Variants in CSMD1 observed in about 807,000 individuals in gnomAD.
CSMD1 encodes CUB and Sushi multiple domains 1.
CSMD1 carries 213 observed loss-of-function variants against 417.5 expected under a neutral mutation model. That is an observed-to-expected ratio of 0.51 (90% CI 0.46 to 0.57). The LOEUF is 0.57. Ranked by LOEUF, CSMD1 falls within the 20% of genes least tolerant of loss-of-function variation. CSMD1 has a pLI of 0.00. For missense variants in CSMD1, 6,923 were observed against 4,529.7 expected (o/e 1.53, Z -15.17); for synonymous variants, 2,862 against 1,736.8 (o/e 1.65, Z -16.11).
chr8:3,536,818 C>T (rs1798220306), intron 10 of CSMD1, among the ~76,000 whole-genome samples: 1 of 152,146 alleles, frequency 6.6e-6, no homozygotes, highest in Admixed American at 6.5e-5. Flanking sequence ...AGGTTTGTGC[C>T]ATCCTTGGGT....
At position 4,788,419 on chromosome 8, in the gene CSMD1, G is replaced by A. The variant is rs1797523017; in HGVS notation, c.86-150861C>T. Reference sequence around the variant, plus strand: ...GTGTGGTCTTCTCTTTGACTACCCAGGGTCTTGGCTGTTCAACCACACTTT... The same window carrying A: ...GTGTGGTCTTCTCTTTGACTACCCAAGGTCTTGGCTGTTCAACCACACTTT... On this transcript the variant is annotated intron_variant, in intron 1 of 69. Transcript: ENST00000635120. 7 of 1,340,594 alleles carry A rather than the reference G, an allele frequency of 5.2e-6. No homozygotes were observed. In the East Asian group the frequency reaches 6.9e-5, roughly 13 times the overall value. 83.0% of individuals were successfully genotyped at this position (1,340,594 alleles called of 1,614,324 possible).
At chr8:3,937,708 C>T (rs1248920474) in intron 5 of CSMD1, among the ~76,000 whole-genome samples, 2 of 152,078 alleles carry the variant, frequency 1.3e-5, no homozygotes, top group Admixed American at 1.3e-4. Context: ...TCTTATCAGA[C>T]ATTATAGTTT....
intron 5 of CSMD1, among the ~76,000 whole-genome samples, chr8:3,936,469 G>A (rs4320569): frequency 0.34 from 51,817 of 152,022 alleles, 9,180 homozygotes; most frequent in African/African-American, 0.45. Flanking sequence ...ATTTTAAGTT[G>A]AAGCCAGTGC....
intron 5 of CSMD1, among the ~76,000 whole-genome samples, chr8:3,970,494 C>G (rs777729340): frequency 2.5e-4 from 38 of 152,124 alleles, no homozygotes; most frequent in Non-Finnish European, 5.0e-4. Context: ...TGAGAATGTT[C>G]ACATTCTTGG....
chr8:4,702,646 A>ATCTGTGCTAATGATGGATTATT (rs1807651540), intron 1 of CSMD1, among the ~76,000 whole-genome samples: 1 of 151,192 alleles, frequency 6.6e-6, no homozygotes, highest in Admixed American at 6.6e-5. Context: ...AATCACAAAT[A>ATCTGTGCTAATGATGGATTATT]AACGTTTCCA....
chr8:4,687,107 T>C (rs1314416676), intron 1 of CSMD1, among the ~76,000 whole-genome samples: 4 of 152,158 alleles, frequency 2.6e-5, no homozygotes, highest in African/African-American at 7.2e-5. Flanking sequence ...CTGTGGTCGA[T>C]AAAAGCTGCC....
chr8:3,518,597 A>G (rs187374182), intron 10 of CSMD1, among the ~76,000 whole-genome samples: 1 of 152,358 alleles, frequency 6.6e-6, no homozygotes, highest in African/African-American at 2.4e-5. Flanking sequence ...CAGCTTTTCA[A>G]AATAACTCAG....
chr8:3,692,836 G>C (rs187210925), intron 7 of CSMD1, among the ~76,000 whole-genome samples: 10 of 152,070 alleles, frequency 6.6e-5, no homozygotes, highest in African/African-American at 2.4e-4. Flanking sequence ...ATATTATTAG[G>C]CATTAGTAAT....
At chr8:4,728,852 G>C (rs542982318) in intron 1 of CSMD1, among the ~76,000 whole-genome samples, 1 of 152,110 alleles carries the variant, frequency 6.6e-6, no homozygotes, top group Non-Finnish European at 1.5e-5. Context: ...CATCTACTGA[G>C]ATTAATAAAA....
chr8:3,646,649 C>G (rs143460104), intron 7 of CSMD1, among the ~76,000 whole-genome samples: 7 of 152,172 alleles, frequency 4.6e-5, no homozygotes, highest in Non-Finnish European at 8.8e-5. Flanking sequence ...CTGCCAAAGC[C>G]GTGCTCAGAG....
intron 3 of CSMD1, among the ~76,000 whole-genome samples, chr8:4,416,349 G>A (rs2128937570): frequency 6.6e-6 from 1 of 152,034 alleles, no homozygotes; most frequent in South Asian, 2.1e-4. Flanking sequence ...CTAAATTATT[G>A]CATATAATTC....
chr8:4,241,815 A>T (rs763559007), intron 3 of CSMD1, among the ~76,000 whole-genome samples: 1 of 151,360 alleles, frequency 6.6e-6, no homozygotes, highest in East Asian at 1.9e-4. Flanking sequence ...GGTTCACGCC[A>T]TTCTCCTGTC....
chr8:3,725,623 G>A (rs533158262), intron 6 of CSMD1, among the ~76,000 whole-genome samples: 3 of 152,192 alleles, frequency 2.0e-5, no homozygotes, highest in South Asian at 2.1e-4. Context: ...TTTCAGGGAA[G>A]GAGTGATGTC....
intron 5 of CSMD1, among the ~76,000 whole-genome samples, chr8:3,930,575 G>C (rs1025614531): frequency 6.7e-6 from 1 of 150,200 alleles, no homozygotes; most frequent in Non-Finnish European, 1.5e-5. Flanking sequence ...CAGAATCTGA[G>C]GTCCCGTTCC....
chr8:3,413,620 A>T (rs1031046990), intron 12 of CSMD1, among the ~76,000 whole-genome samples: 2 of 152,126 alleles, frequency 1.3e-5, no homozygotes, highest in African/African-American at 4.8e-5. Flanking sequence ...CATTTGGGGG[A>T]ACTATCTTGG....
At chr8:4,425,809 T>G (rs1797516108) in intron 2 of CSMD1, among the ~76,000 whole-genome samples, 1 of 152,156 alleles carries the variant, frequency 6.6e-6, no homozygotes, top group Non-Finnish European at 1.5e-5. Flanking sequence ...TCATTCATAT[T>G]TGATGGTCCA....
chr8:4,051,608 G>A lies in CSMD1; in HGVS notation c.416-19509C>T, dbSNP rs111644556. Among the ~76,000 whole-genome samples, 168 of 152,266 alleles carry A rather than the reference G, an allele frequency of 1.1e-3. 2 individuals carry two copies. Among genetic ancestry groups the A allele is most frequent in the African/African-American group, 4.0e-3 (166 of 41,552 alleles). Reference sequence around the variant, plus strand: ...CTCAGAAGTGCTAAGTGCACAGCGGGGCTTGTAGGTTTCTGTGGGGCCCTA... The same window carrying A: ...CTCAGAAGTGCTAAGTGCACAGCGGAGCTTGTAGGTTTCTGTGGGGCCCTA... On this transcript the variant is annotated intron_variant, in intron 3 of 69. Transcript: ENST00000635120.
chr8:4,421,554 C>T (rs1435015545), intron 2 of CSMD1, among the ~76,000 whole-genome samples: 1 of 151,892 alleles, frequency 6.6e-6, no homozygotes, highest in Admixed American at 6.6e-5. Context: ...TATCTAATTA[C>T]TTGGAAAATA....
At chr8:3,425,337 C>T (rs1813766503) in intron 12 of CSMD1, among the ~76,000 whole-genome samples, 1 of 151,396 alleles carries the variant, frequency 6.6e-6, no homozygotes, top group South Asian at 2.1e-4. Context: ...CGCCTGTAAT[C>T]CCAGCACTTT....
Sources: gnomAD v4.1 joint callset for allele counts (sites outside exome capture counted in the v4.1 genomes callset) on GRCh38, gnomAD v4.1.1 for gene constraint, MANE v1.5 for transcripts, NCBI Gene and HGNC (gene_info 2026-07-23, HGNC 2026-07-21) for gene names.